MREG: variants seen among roughly 807,000 people sequenced by gnomAD.
MREG encodes the protein dilute suppressor protein homolog.
Under a neutral mutation model 28.5 loss-of-function variants are expected in MREG, and 31 were observed. The ratio of observed to expected loss-of-function variants is 1.09; its 90% CI spans 0.82 to 1.47. The LOEUF is 1.47. Among genes scored for constraint, MREG ranks in the 40% most tolerant of loss-of-function variants. The pLI, the probability that MREG is intolerant of heterozygous loss-of-function variation, is 0.00. For missense variants in MREG, 256 were observed against 257.4 expected (o/e 0.99, Z 0.04); for synonymous variants, 106 against 95.2 (o/e 1.11, Z -0.66).
rs186619181 is a variant in MREG at position 215,994,335 on chromosome 2, T to G, written c.255+1971A>C. On this transcript the variant is annotated intron_variant, in intron 2 of 4. Transcript: ENST00000263268. ...GAACAGAAAACCAAACACCACATGT[T>G]CTCACTCATAAGTGGGAGCTGAAAA... 2.6e-5 allele frequency among the ~76,000 whole-genome samples: 4 copies of G among 151,622 alleles called. No homozygotes were observed. In the East Asian group the frequency reaches 7.7e-4, roughly 29 times the overall value.
intron 2 of MREG, among the ~76,000 whole-genome samples, chr2:215,978,416 A>G (rs1388852226): frequency 6.6e-6 from 1 of 152,224 alleles, no homozygotes; most frequent in Admixed American, 6.5e-5. Context: ...AAAAAAGTCC[A>G]GAACCAGATA....
At chr2:215,958,231 A>G (rs1692683053) in intron 2 of MREG, among the ~76,000 whole-genome samples, 1 of 151,932 alleles carries the variant, frequency 6.6e-6, no homozygotes, top group Middle Eastern at 3.4e-3. Flanking sequence ...CGTTGTGCAC[A>G]TGTACCCTAA....
At chr2:215,983,054 A>C (rs908949229) in intron 2 of MREG, among the ~76,000 whole-genome samples, 12 of 152,238 alleles carry the variant, frequency 7.9e-5, no homozygotes, top group African/African-American at 2.9e-4. Flanking sequence ...AAAGTAAAAG[A>C]AAGAATAAAT....
At chr2:215,968,770 CT>C (rs1212825313) in intron 2 of MREG, among the ~76,000 whole-genome samples, 4 of 152,092 alleles carry the variant, frequency 2.6e-5, no homozygotes, top group African/African-American at 7.2e-5. Flanking sequence ...AGAACTTTTT[CT>C]TTGAGACAGG....
At chr2:216,013,918 G>GT (rs200383125), upstream of MREG, among the ~76,000 whole-genome samples, 27 of 151,556 alleles carry the variant, frequency 1.8e-4, no homozygotes, top group Admixed American at 3.3e-4. Flanking sequence ...TCGGCGTAGG[G>GT]TTTTTTTTTA....
At position 215,952,604 on chromosome 2, in the gene MREG, C is replaced by T. The variant is rs561047769; in HGVS notation, c.256-5491G>A. 3.9e-5 allele frequency among the ~76,000 whole-genome samples: 6 copies of T among 152,118 alleles called. No homozygotes were observed. The South Asian group carries it at 1.2e-3, about 32-fold the overall frequency. On this transcript the variant is annotated intron_variant, in intron 2 of 4. Transcript: ENST00000263268. ...ACTTATACACTTAAAGAAATATGTT[C>T]TAACAATAATTTACATATATTTTAA...
chr2:215,973,494 T>C (rs1049561436), intron 2 of MREG, among the ~76,000 whole-genome samples: 2 of 152,208 alleles, frequency 1.3e-5, no homozygotes, highest in South Asian at 2.1e-4. Flanking sequence ...AGCTGTTGCA[T>C]GCCCACTCCC....
chr2:215,951,121 A>G (rs1692471691), intron 2 of MREG, among the ~76,000 whole-genome samples: 1 of 152,104 alleles, frequency 6.6e-6, no homozygotes, highest in Admixed American at 6.5e-5. Flanking sequence ...TGCTTCCTGT[A>G]CAGCCTGTGG....
In MREG at chr2:215,978,618, G is replaced by A. The variant is rs181082153; in HGVS notation, c.255+17688C>T. On this transcript the variant is annotated intron_variant, in intron 2 of 4. Coordinates refer to ENST00000263268, the MANE Select transcript of MREG (RefSeq NM_018000.3). The stretch of plus-strand genomic sequence containing the variant: ...TAGACCAATATCTCTGATGAATATC[G>A]ATGCAAAAATTCTCAATAAAATACT... 3.4e-3 allele frequency among the ~76,000 whole-genome samples: 524 copies of A among 152,230 alleles called. 1 individual carries two copies. The highest frequency in any genetic ancestry group is 0.012 in the African/African-American group (482 of 41,540).
intron 1 of MREG, among the ~76,000 whole-genome samples, 154 bp from the exon 2 acceptor site, chr2:215,996,619 A>G (rs1693882345): frequency 6.6e-6 from 1 of 152,266 alleles, no homozygotes; most frequent in Non-Finnish European, 1.5e-5. Context: ...ATAATTAAGC[A>G]TAACACAACA....
chr2:215,972,675 G>A (rs1434977136), intron 2 of MREG, among the ~76,000 whole-genome samples: 1 of 150,960 alleles, frequency 6.6e-6, no homozygotes, highest in African/African-American at 2.4e-5. Flanking sequence ...ATATGTTCAT[G>A]ACCTTGATTG....
chr2:215,982,343 AAAAAAGAAAAG>A (rs1321837356), intron 2 of MREG, among the ~76,000 whole-genome samples: 2 of 151,822 alleles, frequency 1.3e-5, no homozygotes, highest in African/African-American at 2.4e-5. Flanking sequence ...GTCAAAAAAA[AAAAAAGAAAAG>A]AAAAAAGAAA....
chr2:215,939,474 C>T (rs1305856266), downstream of MREG: 2 of 152,112 alleles, frequency 1.3e-5, no homozygotes, highest in African/African-American at 4.8e-5. Flanking sequence ...CTGTTCTCAG[C>T]CACAAATATT....
At chr2:215,957,421 C>T (rs950147662) in intron 2 of MREG, among the ~76,000 whole-genome samples, 1 of 152,098 alleles carries the variant, frequency 6.6e-6, no homozygotes, top group Admixed American at 6.6e-5. Flanking sequence ...CTACTTTTCC[C>T]ATCCCTCCCT....
chr2:216,010,106 A>T lies in MREG; in HGVS notation c.95+3127T>A, dbSNP rs11676302. On this transcript the variant is annotated intron_variant, in intron 1 of 4. Transcript: ENST00000263268. ...ATCCTAGGTTTTAGGACAGACCCTA[A>T]ATCCAATCACTGGTGTCCTCATAAG... 7.2e-3 allele frequency among the ~76,000 whole-genome samples: 1,092 copies of T among 152,280 alleles called. 6 individuals are homozygous for T. Among genetic ancestry groups the T allele is most frequent in the Non-Finnish European group, 0.012 (847 of 68,018 alleles).
chr2:215,962,909 A>T (rs918436281), intron 2 of MREG, among the ~76,000 whole-genome samples: 11 of 152,194 alleles, frequency 7.2e-5, no homozygotes, highest in African/African-American at 2.7e-4. Context: ...GCCAAAGCAG[A>T]TGGATTGCTT....
intron 2 of MREG, among the ~76,000 whole-genome samples, chr2:215,964,044 TAAAAG>T (rs1261335085): frequency 6.6e-6 from 1 of 152,214 alleles, no homozygotes; most frequent in Non-Finnish European, 1.5e-5. Context: ...TCATTACTTT[TAAAAG>T]ACTTCCAAGA....
At chr2:216,017,050 TC>T (rs1465053102), upstream of MREG, among the ~76,000 whole-genome samples, 1 of 152,056 alleles carries the variant, frequency 6.6e-6, no homozygotes, top group Non-Finnish European at 1.5e-5. Context: ...ACCCTCCACA[TC>T]CCCCCGGGTA....
chr2:215,989,742 G>A (rs1041322876), intron 2 of MREG, among the ~76,000 whole-genome samples: 1 of 151,868 alleles, frequency 6.6e-6, no homozygotes, highest in Non-Finnish European at 1.5e-5. Context: ...AGAACTTCAT[G>A]AAGCATTCGC....
Sources: gnomAD v4.1 joint callset for allele counts (sites outside exome capture counted in the v4.1 genomes callset) on GRCh38, gnomAD v4.1.1 for gene constraint, MANE v1.5 for transcripts, NCBI Gene and HGNC (gene_info 2026-07-23, HGNC 2026-07-21) for gene names.